The following DCDC2C variants were observed in gnomAD, a reference collection of about 807,000 sequenced individuals.
DCDC2C encodes doublecortin domain containing 2C.
Under a neutral mutation model 45.0 loss-of-function variants are expected in DCDC2C, and 44 were observed. That is an observed-to-expected ratio of 0.98 (90% CI 0.77 to 1.26). The LOEUF is 1.26. Ranked by LOEUF, DCDC2C falls within the 50% of genes most tolerant of loss-of-function variation. The pLI, the probability that DCDC2C is intolerant of heterozygous loss-of-function variation, is 0.00. For synonymous variants in DCDC2C, 187 were observed against 178.8 expected (o/e 1.05, Z -0.37); for missense variants, 447 against 468.9 (o/e 0.95, Z 0.43).
chr2:3,804,313 A>G (rs1047096806), intron 10 of DCDC2C, among the ~76,000 whole-genome samples: 6 of 151,948 alleles, frequency 3.9e-5, no homozygotes, highest in Admixed American at 2.0e-4. Flanking sequence ...AAAGAGCTCT[A>G]TTTTCCTTTG....
chr2:3,739,612 C>T (rs534325199), intron 3 of DCDC2C, among the ~76,000 whole-genome samples: 1 of 152,340 alleles, frequency 6.6e-6, no homozygotes, highest in East Asian at 1.9e-4. Flanking sequence ...GCTGGGGTTC[C>T]GAGAGGCCTG....
At chr2:3,736,005 T>C (rs948169865) in intron 3 of DCDC2C, among the ~76,000 whole-genome samples, 4 of 152,196 alleles carry the variant, frequency 2.6e-5, no homozygotes, top group Non-Finnish European at 4.4e-5. Flanking sequence ...TTCTATCTTA[T>C]AGGGTTCTGC....
chr2:3,764,222 A>G (rs1421321931), intron 6 of DCDC2C, among the ~76,000 whole-genome samples: 1 of 152,210 alleles, frequency 6.6e-6, no homozygotes, highest in Non-Finnish European at 1.5e-5. Flanking sequence ...GAGCAAAATT[A>G]AGAAAAGTAA....
At chr2:3,815,509 G>C (rs757978612) in intron 10 of DCDC2C, among the ~76,000 whole-genome samples, 5 of 152,148 alleles carry the variant, frequency 3.3e-5, no homozygotes, top group Non-Finnish European at 5.9e-5. Flanking sequence ...GTTACTTTTT[G>C]CAAATTCTTT....
At chr2:3,762,849 G>A (rs1011950595) in intron 6 of DCDC2C, among the ~76,000 whole-genome samples, 6 of 152,304 alleles carry the variant, frequency 3.9e-5, no homozygotes, top group South Asian at 2.1e-4. Context: ...CCAGGTGGCT[G>A]AGAGGAGGCA....
chr2:3,710,554 G>T (rs972874117), intron 2 of DCDC2C, among the ~76,000 whole-genome samples: 1 of 152,080 alleles, frequency 6.6e-6, no homozygotes, highest in Non-Finnish European at 1.5e-5. Flanking sequence ...TGAGGTTTGG[G>T]GTATAATTTA....
At position 3,825,633 on chromosome 2, in the gene DCDC2C, A is replaced by G. The variant is rs181274009; in HGVS notation, c.1066-21521A>G. Among the ~76,000 whole-genome samples, 444 of 152,256 alleles carry G rather than the reference A, an allele frequency of 2.9e-3. 3 individuals are homozygous for G. The highest frequency in any genetic ancestry group is 9.1e-3 in the African/African-American group (378 of 41,550). ...AACGGGTCTGTAGCTCCTGGTCTCCAGTGTGGTCATGGCACTGCCCTGATT... is the reference window on the plus strand; with the variant it reads ...AACGGGTCTGTAGCTCCTGGTCTCCGGTGTGGTCATGGCACTGCCCTGATT... On this transcript the variant is annotated intron_variant, in intron 10 of 10. Transcript: ENST00000399143.
intron 10 of DCDC2C, among the ~76,000 whole-genome samples, chr2:3,814,325 C>T (rs1280387968): frequency 6.6e-6 from 1 of 152,160 alleles, no homozygotes; most frequent in South Asian, 2.1e-4. Flanking sequence ...GCTATTGATA[C>T]TTGTGTATGC....
chr2:3,793,166 A>T (rs1256098479), intron 10 of DCDC2C, among the ~76,000 whole-genome samples: 1 of 152,244 alleles, frequency 6.6e-6, no homozygotes, highest in African/African-American at 2.4e-5. Context: ...GTTTGTAAAT[A>T]GAATGAAAAG....
intron 8 of DCDC2C, among the ~76,000 whole-genome samples, chr2:3,777,018 C>T (rs1670361654): frequency 6.6e-6 from 1 of 152,168 alleles, no homozygotes; most frequent in Non-Finnish European, 1.5e-5. Flanking sequence ...GCCTGTGTTA[C>T]CATCTCTCTG....
chr2:3,741,900 T>C lies in DCDC2C; in HGVS notation c.417-20T>C. ...TCAAACTTAAGGTATTAATGGATGC[T>C]TTTCTTTTTATTCTTACAGTGTTTT... On this transcript the variant is annotated intron_variant, in intron 3 of 10. Coordinates refer to ENST00000399143, the MANE Select transcript of DCDC2C (RefSeq NM_001287444.2). The C allele has an allele frequency of 1.9e-6, 3 of 1,538,542 alleles. No homozygotes were observed. The highest frequency in any genetic ancestry group is 2.1e-5 in the Admixed American group (1 of 48,700).
intron 10 of DCDC2C, among the ~76,000 whole-genome samples, chr2:3,808,103 T>A (rs1671300173): frequency 6.6e-6 from 1 of 152,204 alleles, no homozygotes; most frequent in East Asian, 1.9e-4. Flanking sequence ...TGGCAAACTT[T>A]TGCTAAGCAG....
chr2:3,802,705 G>A (rs1671143098), intron 10 of DCDC2C, among the ~76,000 whole-genome samples: 2 of 152,172 alleles, frequency 1.3e-5, no homozygotes, highest in African/African-American at 4.8e-5. Flanking sequence ...CAAAGGCCCA[G>A]CCTCCTAATA....
intron 10 of DCDC2C, among the ~76,000 whole-genome samples, chr2:3,801,086 G>A (rs749305802): frequency 6.6e-5 from 10 of 152,210 alleles, no homozygotes; most frequent in Non-Finnish European, 1.2e-4. Flanking sequence ...CACCTTTTGG[G>A]AAGTTGTGCA....
chr2:3,745,554 TA>T (rs1254418958), intron 4 of DCDC2C, among the ~76,000 whole-genome samples: 1 of 152,084 alleles, frequency 6.6e-6, no homozygotes, highest in Non-Finnish European at 1.5e-5. Flanking sequence ...TGAACAGAAT[TA>T]AAAAAAATCA....
At chr2:3,805,125 C>A (rs563465216) in intron 10 of DCDC2C, among the ~76,000 whole-genome samples, 1 of 152,202 alleles carries the variant, frequency 6.6e-6, no homozygotes, top group Admixed American at 6.5e-5. Context: ...ACAACTGACA[C>A]TTTTTACTCC....
chr2:3,707,348 T>A (rs909405903), intron 1 of DCDC2C, among the ~76,000 whole-genome samples: 2 of 152,224 alleles, frequency 1.3e-5, no homozygotes, highest in Non-Finnish European at 2.9e-5. Context: ...GGGAGATTAA[T>A]GTTCATAAAC....
intron 8 of DCDC2C, among the ~76,000 whole-genome samples, chr2:3,777,658 G>A (rs1175442630): frequency 6.6e-6 from 1 of 152,186 alleles, no homozygotes; most frequent in Non-Finnish European, 1.5e-5. Context: ...ATAAGCTATA[G>A]GAAGATAATG....
intron 8 of DCDC2C, among the ~76,000 whole-genome samples, chr2:3,769,770 C>T (rs1438589374): frequency 2.0e-5 from 3 of 152,204 alleles, no homozygotes; most frequent in Non-Finnish European, 2.9e-5. Flanking sequence ...ACAGAATTCC[C>T]GGCATGGAGG....
Sources: allele counts gnomAD v4.1 joint callset (sites outside exome capture counted in the v4.1 genomes callset), GRCh38; gene constraint gnomAD v4.1.1; transcripts MANE v1.5; gene names NCBI Gene and HGNC (gene_info 2026-07-23, HGNC 2026-07-21).